The following CNTNAP3B variants were observed in gnomAD, a reference collection of about 807,000 sequenced individuals.
The protein encoded by CNTNAP3B is contactin associated protein family member 3B.
CNTNAP3B carries 25 observed loss-of-function variants against 108.9 expected under a neutral mutation model. The ratio of observed to expected loss-of-function variants is 0.23; its 90% CI spans 0.17 to 0.32. The LOEUF (loss-of-function observed/expected upper bound fraction) is 0.32. Ranked by LOEUF, CNTNAP3B falls within the 10% of genes least tolerant of loss-of-function variation. CNTNAP3B has a pLI of 1.00. For missense variants in CNTNAP3B, 252 were observed against 1,210.4 expected (o/e 0.21, Z 11.75); for synonymous variants, 103 against 473.4 (o/e 0.22, Z 10.16).
At chr9:42,121,700 C>T (rs533488672) in intron 1 of CNTNAP3B, among the ~76,000 whole-genome samples, 3 of 140,268 alleles carry the variant, frequency 2.1e-5, no homozygotes, top group South Asian at 2.3e-4. Context: ...TATGAAATGA[C>T]ATATGCTATT....
rs1564172049 is a variant in CNTNAP3B at position 42,001,444 on chromosome 9, C to A, written c.539-2840G>T. ...AAAAACAGTTCTACCTAGCCATAAT[C>A]AATGCAAATATTCCCCTACAATATA... On this transcript the variant is annotated intron_variant, in intron 4 of 23. Coordinates refer to ENST00000377561, the MANE Select transcript of CNTNAP3B (RefSeq NM_001201380.3). Among the ~76,000 whole-genome samples, 2 of 134,252 alleles carry A rather than the reference C, an allele frequency of 1.5e-5. 1 individual carries two copies. The highest frequency in any genetic ancestry group is 6.0e-5 in the African/African-American group (2 of 33,336). The allele number at this position is 134,252 out of a possible 152,430, so 88.1% of individuals were successfully genotyped here.
At chr9:42,063,925 C>A (rs1827218799) in intron 3 of CNTNAP3B, among the ~76,000 whole-genome samples, 3 of 149,460 alleles carry the variant, frequency 2.0e-5, no homozygotes. Flanking sequence ...CTTTGTCCCT[C>A]TATTCTCCTT....
chr9:42,073,755 ATAAT>A (rs1198797671), intron 3 of CNTNAP3B, among the ~76,000 whole-genome samples: 6 of 141,606 alleles, frequency 4.2e-5, no homozygotes, highest in Admixed American at 3.6e-4. Context: ...AACCTCTACC[ATAAT>A]TATTTGCTTA....
At chr9:42,097,658 G>T (rs1264239384) in intron 2 of CNTNAP3B, among the ~76,000 whole-genome samples, 1 of 137,562 alleles carries the variant, frequency 7.3e-6, no homozygotes, top group East Asian at 2.2e-4. Context: ...AATTGTAATT[G>T]ATCTTACATT....
rs1828487402 is a variant in CNTNAP3B at position 42,122,606 on chromosome 9, A to T, written c.85+6404T>A. 1.5e-5 allele frequency among the ~76,000 whole-genome samples: 2 copies of T among 136,736 alleles called. 1 individual carries two copies. Among genetic ancestry groups the T allele is most frequent in the Non-Finnish European group, 3.1e-5 (2 of 64,342 alleles). The allele number at this position is 136,736 out of a possible 152,430, so 89.7% of individuals were successfully genotyped here. A position where few individuals can be genotyped will look rare whatever the true frequency, so the allele number is the denominator to read the frequency against. On this transcript the variant is annotated intron_variant, in intron 1 of 23. Coordinates refer to ENST00000377561, the MANE Select transcript of CNTNAP3B (RefSeq NM_001201380.3). ...TTGATGTTGCATTACTTTTTCTACC[A>T]ATCTTCTTACAATAAATTCATAAAT...
At chr9:41,938,570 C>A (rs1824230089) in intron 13 of CNTNAP3B, among the ~76,000 whole-genome samples, 170 bp from the exon 14 acceptor site, 1 of 152,282 alleles carries the variant, frequency 6.6e-6, no homozygotes, top group African/African-American at 2.4e-5. Flanking sequence ...TTCTTTAAGC[C>A]TAACCAATGT....
At chr9:42,042,182 G>A (rs1403032192) in intron 3 of CNTNAP3B, among the ~76,000 whole-genome samples, 2 of 129,888 alleles carry the variant, frequency 1.5e-5, no homozygotes, top group Non-Finnish European at 3.3e-5. Flanking sequence ...GTATACATAT[G>A]TAACAAACCT....
chr9:41,952,995 G>T (rs867154655), intron 13 of CNTNAP3B, among the ~76,000 whole-genome samples, 188 bp downstream of exon 13: 1 of 152,376 alleles, frequency 6.6e-6, no homozygotes, highest in East Asian at 1.9e-4. Flanking sequence ...GTCTCTCAAC[G>T]GTCAGGAAGG....
chr9:41,952,134 G>A (rs2118144096), intron 13 of CNTNAP3B, among the ~76,000 whole-genome samples: 1 of 152,260 alleles, frequency 6.6e-6, no homozygotes, highest in East Asian at 1.9e-4. Flanking sequence ...ACTAGGGAAG[G>A]CAATGCAGGT....
chr9:42,064,573 AAC>A (rs1208264399), intron 3 of CNTNAP3B, among the ~76,000 whole-genome samples: 2 of 105,472 alleles, frequency 1.9e-5, no homozygotes, highest in East Asian at 6.2e-4. Context: ...ATACTAACTA[AAC>A]AGTTACTTTT....
chr9:41,943,019 C>A (rs1468145293), intron 13 of CNTNAP3B, among the ~76,000 whole-genome samples: 1 of 152,218 alleles, frequency 6.6e-6, no homozygotes, highest in South Asian at 2.1e-4. Context: ...AGCAAACATG[C>A]AGTTATGACA....
chr9:41,915,702 TG>T, intron 18 of CNTNAP3B, among the ~76,000 whole-genome samples: 1 of 146,174 alleles, frequency 6.8e-6, no homozygotes, highest in Non-Finnish European at 1.5e-5. Context: ...TACTGGAGTT[TG>T]TTAAATGTTT....
rs1824203624 is a variant in CNTNAP3B at position 41,937,809 on chromosome 9, A to G, written c.2237+435T>C. ...ACAGTCCTTTTATGCAGGACCTCTCAGAGTTTCTTGTGTTAATGTTAATTT... is the reference window on the plus strand; with the variant it reads ...ACAGTCCTTTTATGCAGGACCTCTCGGAGTTTCTTGTGTTAATGTTAATTT... On this transcript the variant is annotated intron_variant, in intron 14 of 23. Coordinates refer to ENST00000377561, the MANE Select transcript of CNTNAP3B (RefSeq NM_001201380.3). Among the ~76,000 whole-genome samples, 3 of 152,114 alleles carry G rather than the reference A, an allele frequency of 2.0e-5. No individual in the cohort carries two copies. In the South Asian group the frequency reaches 6.2e-4, roughly 32 times the overall value.
chr9:42,117,754 G>C (rs1441424060), intron 1 of CNTNAP3B, among the ~76,000 whole-genome samples: 1 of 136,576 alleles, frequency 7.3e-6, no homozygotes, highest in Non-Finnish European at 1.6e-5. Context: ...TTTTTGGAAA[G>C]ATCAACAAAA....
intron 2 of CNTNAP3B, among the ~76,000 whole-genome samples, chr9:42,100,198 T>C (rs1460560957): frequency 2.7e-5 from 2 of 74,346 alleles, no homozygotes; most frequent in Non-Finnish European, 5.6e-5. Context: ...TTAATAATTC[T>C]CCTTAATATC....
chr9:42,107,701 C>T lies in CNTNAP3B; in HGVS notation c.86-2962G>A, dbSNP rs751294312. 5.7e-4 allele frequency among the ~76,000 whole-genome samples: 78 copies of T among 137,854 alleles called. 11 individuals carry two copies. The highest frequency in any genetic ancestry group is 1.4e-3 in the African/African-American group (48 of 34,628). 90.4% of individuals were successfully genotyped at this position (137,854 alleles called of 152,430 possible). ...CCTTCAGAAAGGCAATAAATTCGGG[C>T]GCGGTGGCTCACACCTGTAATCCCA... On this transcript the variant is annotated intron_variant, in intron 1 of 23. Coordinates refer to ENST00000377561, the MANE Select transcript of CNTNAP3B (RefSeq NM_001201380.3).
intron 13 of CNTNAP3B, among the ~76,000 whole-genome samples, chr9:41,943,944 GT>G (rs896909523): frequency 2.0e-5 from 3 of 152,234 alleles, no homozygotes; most frequent in Non-Finnish European, 2.9e-5. Flanking sequence ...ATAAACCAGA[GT>G]AAAATAAAAC....
intron 1 of CNTNAP3B, among the ~76,000 whole-genome samples, chr9:42,112,564 A>T (rs1203974284): frequency 1.4e-5 from 2 of 138,628 alleles, no homozygotes; most frequent in African/African-American, 5.8e-5. Flanking sequence ...GTGGGAACAG[A>T]TGAGGCTTGG....
chr9:41,920,858 A>T (rs1692835), intron 17 of CNTNAP3B, among the ~76,000 whole-genome samples: 1 of 152,300 alleles, frequency 6.6e-6, no homozygotes, highest in South Asian at 2.1e-4. Context: ...GGGTGACACC[A>T]TACCCCAGGA....
Sources: allele counts gnomAD v4.1 joint callset (sites outside exome capture counted in the v4.1 genomes callset), GRCh38; gene constraint gnomAD v4.1.1; transcripts MANE v1.5; gene names NCBI Gene and HGNC (gene_info 2026-07-23, HGNC 2026-07-21).